Variants in EPHA3 observed in about 807,000 individuals in gnomAD.
EPHA3 encodes ephrin type-A receptor 3.
In EPHA3, 42 loss-of-function variants were observed where a neutral mutation model predicts 107.1. That is an observed-to-expected ratio of 0.39 (90% CI 0.31 to 0.51). EPHA3 has a LOEUF of 0.51. Ranked by LOEUF, EPHA3 falls within the 20% of genes least tolerant of loss-of-function variation. EPHA3 has a pLI of 0.78. For missense variants in EPHA3, 1,183 were observed against 1,211.2 expected (o/e 0.98, Z 0.35); for synonymous variants, 461 against 424.8 (o/e 1.09, Z -1.05).
At chr3:89,351,507 C>T (rs1267237165) in intron 5 of EPHA3, among the ~76,000 whole-genome samples, 2 of 150,274 alleles carry the variant, frequency 1.3e-5, no homozygotes, top group Non-Finnish European at 3.0e-5. Flanking sequence ...CTGGCCTGCG[C>T]CCACTGTCTG....
intron 2 of EPHA3, among the ~76,000 whole-genome samples, chr3:89,134,262 C>A (rs1198595800): frequency 6.6e-6 from 1 of 151,460 alleles, no homozygotes; most frequent in Non-Finnish European, 1.5e-5. Flanking sequence ...TACATGAGCA[C>A]AACGTGCAGG....
chr3:89,424,839 TGTTAAATTTCGTTTCAA>T (rs973936209), intron 11 of EPHA3, among the ~76,000 whole-genome samples: 5 of 151,478 alleles, frequency 3.3e-5, no homozygotes, highest in African/African-American at 9.7e-5. Context: ...TCTTTGAAGA[TGTTAAATTTCGTTTCAA>T]GTTAAGCATA....
chr3:89,157,921 T>A (rs1262475272), intron 2 of EPHA3, among the ~76,000 whole-genome samples: 5 of 151,164 alleles, frequency 3.3e-5, no homozygotes, highest in African/African-American at 1.2e-4. Flanking sequence ...AGGGCTGAAA[T>A]TTTAAATAGA....
intron 5 of EPHA3, among the ~76,000 whole-genome samples, chr3:89,359,049 T>C (rs958974439): frequency 1.3e-5 from 2 of 151,176 alleles, no homozygotes; most frequent in Non-Finnish European, 1.5e-5. Flanking sequence ...TTATTGTTAT[T>C]AGTTTGGAAT....
At position 89,173,604 on chromosome 3, in the gene EPHA3, A is replaced by T. The variant is rs567743289; in HGVS notation, c.154-36256A>T. ...GCTATGTAAAATCAATAATTCTAAA[A>T]GTAGATTTTGCTTTAAACTGTATTA... On this transcript the variant is annotated intron_variant, in intron 2 of 16. Transcript: ENST00000336596. Among the ~76,000 whole-genome samples the T allele has an allele frequency of 2.0e-5, 3 of 152,222 alleles. No individual in the cohort carries two copies. The East Asian group carries it at 5.8e-4, about 29-fold the overall frequency.
chr3:89,298,555 A>AT (rs1706415828), intron 3 of EPHA3, among the ~76,000 whole-genome samples: 1 of 151,784 alleles, frequency 6.6e-6, no homozygotes, highest in Non-Finnish European at 1.5e-5. Flanking sequence ...TTTGTTTCTT[A>AT]TTTTTTGTTT....
chr3:89,357,104 C>A (rs1707976951), intron 5 of EPHA3, among the ~76,000 whole-genome samples: 1 of 26,938 alleles, frequency 3.7e-5, no homozygotes. Context: ...GAGACCCTGT[C>A]TCAAAAAAAA....
At chr3:89,187,073 C>T (rs1217450348) in intron 2 of EPHA3, among the ~76,000 whole-genome samples, 1 of 151,602 alleles carries the variant, frequency 6.6e-6, no homozygotes, top group Non-Finnish European at 1.5e-5. Context: ...TAGATTCTCA[C>T]TTTATATGTA....
intron 2 of EPHA3, among the ~76,000 whole-genome samples, chr3:89,139,485 T>G (rs1704381907): frequency 6.6e-6 from 1 of 151,786 alleles, no homozygotes; most frequent in African/African-American, 2.4e-5. Context: ...AATTTGCCTA[T>G]CCTGAGTGCT....
At chr3:89,351,322 C>T (rs944786098) in intron 5 of EPHA3, among the ~76,000 whole-genome samples, 3 of 151,304 alleles carry the variant, frequency 2.0e-5, no homozygotes, top group Non-Finnish European at 4.4e-5. Context: ...TCTCGTGGTG[C>T]GCTGTTTTTT....
At chr3:89,269,265 C>T (rs1705607685) in intron 3 of EPHA3, among the ~76,000 whole-genome samples, 1 of 151,970 alleles carries the variant, frequency 6.6e-6, no homozygotes, top group African/African-American at 2.4e-5. Flanking sequence ...ATGACATGTC[C>T]ATATCCAAGA....
At chr3:89,284,756 T>G (rs575662650) in intron 3 of EPHA3, among the ~76,000 whole-genome samples, 1 of 152,278 alleles carries the variant, frequency 6.6e-6, no homozygotes, top group African/African-American at 2.4e-5. Flanking sequence ...TTCTCAGAAC[T>G]TGGCTCCTTT....
intron 3 of EPHA3, among the ~76,000 whole-genome samples, chr3:89,271,120 G>A (rs1388565152): frequency 6.6e-6 from 1 of 151,968 alleles, no homozygotes; most frequent in African/African-American, 2.4e-5. Context: ...ATTGTTATAT[G>A]TTCTGCTTCA....
At chr3:89,356,295 G>A (rs1328954646) in intron 5 of EPHA3, among the ~76,000 whole-genome samples, 1 of 150,780 alleles carries the variant, frequency 6.6e-6, no homozygotes, top group South Asian at 2.1e-4. Context: ...AATAAACATA[G>A]GTGTGCATGT....
At chr3:89,109,452 C>T (rs1389956487) in intron 1 of EPHA3, among the ~76,000 whole-genome samples, 2 of 151,914 alleles carry the variant, frequency 1.3e-5, no homozygotes, top group African/African-American at 4.8e-5. Context: ...AAAATTCCCA[C>T]ATTGTCATGA....
chr3:89,152,441 T>G (rs1259704532), intron 2 of EPHA3, among the ~76,000 whole-genome samples: 1 of 152,036 alleles, frequency 6.6e-6, no homozygotes, highest in Non-Finnish European at 1.5e-5. Context: ...TCAAGACCAT[T>G]CAAGATGTCT....
chr3:89,110,860 G>A (rs1435309536), intron 1 of EPHA3, among the ~76,000 whole-genome samples: 2 of 151,898 alleles, frequency 1.3e-5, no homozygotes, highest in Non-Finnish European at 2.9e-5. Context: ...TTCAGAATTG[G>A]TAAAAATACT....
chr3:89,125,692 G>A (rs923520536), intron 1 of EPHA3, among the ~76,000 whole-genome samples: 1 of 151,310 alleles, frequency 6.6e-6, no homozygotes, highest in Non-Finnish European at 1.5e-5. Context: ...TAATATAAAA[G>A]GTAAAGTTTA....
At position 89,185,785 on chromosome 3, in the gene EPHA3, A is replaced by T. The variant is rs533660696; in HGVS notation, c.154-24075A>T. Among the ~76,000 whole-genome samples, 42 of 152,178 alleles carry T rather than the reference A, an allele frequency of 2.8e-4. 1 individual carries two copies. The South Asian group carries it at 7.9e-3, about 29-fold the overall frequency. Reference sequence around the variant, plus strand: ...TTTACACAAATGATGATTTAGGTTTAACATTCTATTATACCCAGGGGTGTG... The same window carrying T: ...TTTACACAAATGATGATTTAGGTTTTACATTCTATTATACCCAGGGGTGTG... On this transcript the variant is annotated intron_variant, in intron 2 of 16. Coordinates refer to ENST00000336596, the MANE Select transcript of EPHA3 (RefSeq NM_005233.6).
Sources: allele counts gnomAD v4.1 joint callset (sites outside exome capture counted in the v4.1 genomes callset), GRCh38; gene constraint gnomAD v4.1.1; transcripts MANE v1.5; gene names NCBI Gene and HGNC (gene_info 2026-07-23, HGNC 2026-07-21).